Variants in ZDHHC7 observed in about 807,000 individuals in gnomAD.
ZDHHC7 encodes zDHHC palmitoyltransferase 7.
ZDHHC7 carries 12 observed loss-of-function variants against 34.1 expected under a neutral mutation model. The ratio of observed to expected loss-of-function variants is 0.35; its 90% CI spans 0.23 to 0.57. ZDHHC7 has a LOEUF of 0.57. Ranked by LOEUF, ZDHHC7 falls within the 20% of genes least tolerant of loss-of-function variation. ZDHHC7 has a pLI of 0.84. For missense variants in ZDHHC7, 388 were observed against 402.7 expected (o/e 0.96, Z 0.31); for synonymous variants, 185 against 155.4 (o/e 1.19, Z -1.42).
chr16:85,007,515 G>A (rs928536375), intron 1 of ZDHHC7, among the ~76,000 whole-genome samples: 4 of 151,186 alleles, frequency 2.6e-5, no homozygotes, highest in African/African-American at 9.7e-5. Flanking sequence ...AAATAGAAGT[G>A]AAGAAACCAG....
chr16:84,987,957 C>T (rs1181847505), intron 3 of ZDHHC7, among the ~76,000 whole-genome samples: 1 of 152,192 alleles, frequency 6.6e-6, no homozygotes, highest in Non-Finnish European at 1.5e-5. Context: ...ATCATAAGGT[C>T]AGGAGATCGA....
the ZDHHC7 span, among the ~76,000 whole-genome samples, chr16:85,018,400 C>T: frequency 4.0e-5 from 6 of 151,638 alleles, no homozygotes; most frequent in East Asian, 1.9e-4. Context: ...GCTGGTTATA[C>T]GGATGTTCAT....
intron 3 of ZDHHC7, among the ~76,000 whole-genome samples, chr16:84,989,031 G>T (rs2072474361): frequency 6.6e-6 from 1 of 152,360 alleles, no homozygotes. Context: ...ATCAGGAGCA[G>T]GGTCTGGCTC....
At chr16:84,979,339 AAC>A in intron 4 of ZDHHC7, 54 bp from the exon 5 acceptor site, 1 of 1,570,346 alleles carries the variant, frequency 6.4e-7, no homozygotes, top group Non-Finnish European at 8.6e-7. Context: ...AAACCAGAGT[AAC>A]ACAACCAAAT....
Position 84,975,221 on chromosome 16 carries a change from T to C in ZDHHC7, c.*1122A>G, listed in dbSNP as rs1415619699. On this transcript the variant is annotated 3_prime_UTR_variant, in exon 8 of 8. Coordinates refer to ENST00000313732, the MANE Select transcript of ZDHHC7 (RefSeq NM_017740.3). Reference sequence around the variant, plus strand: ...CAACAAGAGGGCGCCATCCTGGCCATTCCCGACTGGAGCGCTGCCTGCGGT... The same window carrying C: ...CAACAAGAGGGCGCCATCCTGGCCACTCCCGACTGGAGCGCTGCCTGCGGT... 1 of 152,674 alleles carries C rather than the reference T, an allele frequency of 6.5e-6. No homozygotes were observed. The highest frequency in any genetic ancestry group is 1.5e-5 in the Non-Finnish European group (1 of 68,058). 9.5% of individuals were successfully genotyped at this position (152,674 alleles called of 1,614,324 possible).
chr16:84,975,889 G>C lies in ZDHHC7; in HGVS notation c.*454C>G, dbSNP rs16975069. ...CATCGGAGCTAATCGAGACCAAAAC[G>C]TCTTTCTATGTAAACGCCCTGCTGT... On this transcript the variant is annotated 3_prime_UTR_variant, in exon 8 of 8. Transcript: ENST00000313732. 9.8e-3 allele frequency: 1,655 copies of C among 169,462 alleles called. 33 individuals are homozygous for C. Among genetic ancestry groups the C allele is most frequent in the African/African-American group, 0.038 (1,573 of 41,662 alleles). 10.5% of individuals were successfully genotyped at this position (169,462 alleles called of 1,614,324 possible).
chr16:84,990,221 C>A (rs1043539492), intron 3 of ZDHHC7, 83 bp downstream of exon 3: 17 of 1,491,878 alleles, frequency 1.1e-5, no homozygotes, highest in African/African-American at 5.5e-5. Context: ...TCCCTGTGCA[C>A]TGCTTCCTCC....
the ZDHHC7 span, among the ~76,000 whole-genome samples, chr16:85,020,671 C>A: frequency 6.6e-6 from 1 of 152,042 alleles, no homozygotes; most frequent in Non-Finnish European, 1.5e-5. Flanking sequence ...GTGTGGAGGG[C>A]AAGGGGAAGC....
At chr16:84,998,997 C>T (rs969411264) in intron 1 of ZDHHC7, among the ~76,000 whole-genome samples, 9 of 152,122 alleles carry the variant, frequency 5.9e-5, no homozygotes, top group East Asian at 5.8e-4. Flanking sequence ...TCAGGTGATC[C>T]GCCCGCCTCA....
At chr16:85,002,505 T>C (rs889253430) in intron 1 of ZDHHC7, among the ~76,000 whole-genome samples, 9 of 151,944 alleles carry the variant, frequency 5.9e-5, no homozygotes, top group African/African-American at 2.2e-4. Flanking sequence ...AAGAGCATCC[T>C]ACAAAAAAAT....
Position 84,990,437 on chromosome 16 carries a change from G to T in ZDHHC7, c.182C>A (p.Ala61Glu). Residue 61 changes from alanine (A) to glutamate (E), a missense_variant, in exon 3 of 8, where the codon GCA becomes GAA. Ala to Glu is a moderately radical substitution (Grantham distance 107). Transcript: ENST00000313732. ...AVMTWLLVAY[A>E]DFVVTFVMLL... ...CATGACGAAAGTCACCACGAAGTCT[G>T]CATAGGCGACCAGAAGCCACGTCAT... 1 of 1,614,160 alleles carries T rather than the reference G, an allele frequency of 6.2e-7. No homozygotes were observed. The highest frequency in any genetic ancestry group is 8.5e-7 in the Non-Finnish European group (1 of 1,180,004).
chr16:84,983,084 G>A (rs979961334), intron 3 of ZDHHC7, among the ~76,000 whole-genome samples: 1 of 152,238 alleles, frequency 6.6e-6, no homozygotes, highest in African/African-American at 2.4e-5. Flanking sequence ...GGGTTCCAAT[G>A]CCTCAAGAAG....
chr16:84,988,033 G>T (rs2072459959), intron 3 of ZDHHC7, among the ~76,000 whole-genome samples: 1 of 152,178 alleles, frequency 6.6e-6, no homozygotes, highest in Admixed American at 6.5e-5. Context: ...AGCCGGGCAT[G>T]GTGGCAGGCA....
chr16:84,987,127 A>C (rs2072447019), intron 3 of ZDHHC7, among the ~76,000 whole-genome samples: 1 of 151,802 alleles, frequency 6.6e-6, no homozygotes, highest in Non-Finnish European at 1.5e-5. Context: ...TCCACCTTCC[A>C]CTCCACAGCC....
At chr16:85,000,886 T>A (rs1597558146) in intron 1 of ZDHHC7, among the ~76,000 whole-genome samples, 1 of 152,230 alleles carries the variant, frequency 6.6e-6, no homozygotes, top group East Asian at 1.9e-4. Context: ...CAAAGTGTGA[T>A]CAGGGAGAGA....
rs765930037 is a variant in ZDHHC7, at chr16:84,990,575, G to T, written c.44C>A (p.Pro15His). 1.9e-6 allele frequency: 3 copies of T among 1,614,090 alleles called. No individual in the cohort carries two copies. In the East Asian group the frequency reaches 6.7e-5, roughly 36 times the overall value. Reference protein sequence around the residue: ...GHRLRDVEHHPLLAENDNYDS... With the variant: ...GHRLRDVEHHHLLAENDNYDS... The stretch of plus-strand genomic sequence containing the variant: ...ATAGTTGTCATTTTCAGCCAGGAGA[G>T]GATGATGCTCGACGTCCCGGAGCCT... Residue 15 changes from proline to histidine, a missense_variant, in exon 3 of 8, where the codon CCT becomes CAT. Coordinates refer to ENST00000313732, the MANE Select transcript of ZDHHC7 (RefSeq NM_017740.3).
intron 1 of ZDHHC7, among the ~76,000 whole-genome samples, chr16:85,003,517 A>C (rs2072678666): frequency 6.6e-6 from 1 of 152,326 alleles, no homozygotes; most frequent in Non-Finnish European, 1.5e-5. Context: ...TGTCCTTTCA[A>C]ATCCTACCAT....
At chr16:85,021,830 C>T in the ZDHHC7 span, among the ~76,000 whole-genome samples, 1 of 151,498 alleles carries the variant, frequency 6.6e-6, no homozygotes, top group Non-Finnish European at 1.5e-5. Context: ...AAAAGAGAGC[C>T]CTCCAGCTGC....
intron 1 of ZDHHC7, among the ~76,000 whole-genome samples, chr16:84,997,560 C>T (rs1445595766): frequency 1.3e-5 from 2 of 150,844 alleles, no homozygotes; most frequent in Non-Finnish European, 3.0e-5. Context: ...TGTGAGACAG[C>T]GCACCCGGCC....
Sources: gnomAD v4.1 joint callset for allele counts (sites outside exome capture counted in the v4.1 genomes callset) on GRCh38, gnomAD v4.1.1 for gene constraint, MANE v1.5 for transcripts, NCBI Gene and HGNC (gene_info 2026-07-23, HGNC 2026-07-21) for gene names.